HMG20A: variants seen among roughly 807,000 people sequenced by gnomAD.
HMG20A encodes high mobility group 20A.
HMG20A carries 17 observed loss-of-function variants against 43.9 expected under a neutral mutation model. That is an observed-to-expected ratio of 0.39 (90% CI 0.27 to 0.58). The LOEUF is 0.58. HMG20A is among the 20% of genes least tolerant of loss of function. The probability of loss-of-function intolerance (pLI) is 0.59; values close to 1 mark genes in which losing one functional copy is unlikely to be tolerated. For synonymous variants in HMG20A, 132 were observed against 147.5 expected, an observed-to-expected ratio of 0.89 and a Z score of 0.76; for missense variants, 341 against 438.2, an observed-to-expected ratio of 0.78 and a Z score of 1.98.
At chr15:77,422,425 G>A (rs2073375322) in intron 1 of HMG20A, among the ~76,000 whole-genome samples, 1 of 152,166 alleles carries the variant, frequency 6.6e-6, no homozygotes, top group Non-Finnish European at 1.5e-5. Context: ...AGACCAGCCT[G>A]GCCAGCATGG....
rs772286344 is a variant in HMG20A at position 77,484,849 on chromosome 15, C to T, written c.*1886C>T. ...CTATGGCAGAAGGACATCCAGAGCC[C>T]ATTCTGGAGTTTTGTTTTTTCCTTC... On this transcript the variant is annotated 3_prime_UTR_variant, in exon 10 of 10. Transcript: ENST00000336216. 5 of 152,212 alleles carry T rather than the reference C, an allele frequency of 3.3e-5. No individual in the cohort carries two copies. The highest frequency in any genetic ancestry group is 4.8e-5 in the African/African-American group (2 of 41,444). The allele number at this position is 152,212 out of a possible 1,614,324, so 9.4% of individuals were successfully genotyped here.
chr15:77,440,015 T>TA (rs2073594279), intron 1 of HMG20A, among the ~76,000 whole-genome samples: 3 of 152,078 alleles, frequency 2.0e-5, no homozygotes, highest in South Asian at 4.1e-4. Flanking sequence ...CCCCCTTTTT[T>TA]AAAAAAATGG....
At chr15:77,459,594 G>A (rs2072687148) in intron 2 of HMG20A, among the ~76,000 whole-genome samples, 1 of 152,182 alleles carries the variant, frequency 6.6e-6, no homozygotes, top group Admixed American at 6.5e-5. Flanking sequence ...AGACCTGAAG[G>A]AAATAAGGCA....
At chr15:77,478,129 G>A (rs2072872898) in intron 7 of HMG20A, 166 bp from the exon 8 acceptor site, 4 of 632,062 alleles carry the variant, frequency 6.3e-6, no homozygotes, top group East Asian at 5.5e-5. Context: ...GGAGTCAGGC[G>A]TTTCATTGCT....
In HMG20A at chr15:77,458,505, C is replaced by T. The variant is rs1486545094; in HGVS notation, c.89+9C>T. On this transcript the variant is annotated intron_variant, in intron 2 of 9. Coordinates refer to ENST00000336216, the MANE Select transcript of HMG20A (RefSeq NM_001304504.2). ...GATCTGGCTACCACTGGGTAAGCAG[C>T]TGCTTTAGGACACTGGACTTCTCCA... 6.3e-7 allele frequency: 1 copy of T among 1,593,092 alleles called. No individual in the cohort carries two copies. Among genetic ancestry groups the T allele is most frequent in the South Asian group, 1.1e-5 (1 of 90,562 alleles).
chr15:77,490,031 T>C (rs1435663088), downstream of HMG20A, among the ~76,000 whole-genome samples: 1 of 152,056 alleles, frequency 6.6e-6, no homozygotes, highest in Non-Finnish European at 1.5e-5. Flanking sequence ...ATCCCAGCAC[T>C]TTGAGAGGTG....
At position 77,477,515 on chromosome 15, in the gene HMG20A, T is replaced by C. The variant is rs780539558; in HGVS notation, c.616-40T>C. 5.8e-6 allele frequency: 8 copies of C among 1,390,044 alleles called. No individual in the cohort carries two copies. The East Asian group carries it at 1.6e-4, about 28-fold the overall frequency. 86.1% of individuals were successfully genotyped at this position (1,390,044 alleles called of 1,614,324 possible). On this transcript the variant is annotated intron_variant, in intron 6 of 9. Transcript: ENST00000336216. ...TCAGGCACTATTATTTAATTTATCT[T>C]CTATTAAGAATTAACTGTTTTGTTC...
intron 3 of HMG20A, chr15:77,464,665 C>T: frequency 3.4e-6 from 1 of 293,028 alleles, no homozygotes; most frequent in Non-Finnish European, 6.6e-6. Flanking sequence ...ATGATTTAAT[C>T]ATTAATAAGT....
intron 1 of HMG20A, among the ~76,000 whole-genome samples, chr15:77,446,262 C>T (rs1002818411): frequency 1.3e-5 from 2 of 151,908 alleles, no homozygotes; most frequent in African/African-American, 4.8e-5. Context: ...GAATAAATAC[C>T]GTTATACACA....
chr15:77,493,295 A>G, the HMG20A span, among the ~76,000 whole-genome samples: 2 of 152,184 alleles, frequency 1.3e-5, no homozygotes, highest in Non-Finnish European at 2.9e-5. Context: ...CAAGGAAGTG[A>G]CACTTAAAAT....
chr15:77,511,899 A>T, the HMG20A span, among the ~76,000 whole-genome samples: 1 of 152,232 alleles, frequency 6.6e-6, no homozygotes, highest in Non-Finnish European at 1.5e-5. Context: ...CAGCAAGTCC[A>T]CTTCTGGGTA....
the HMG20A span, among the ~76,000 whole-genome samples, chr15:77,509,555 CGTGTGTGTGTGTGTGT>C: frequency 0.05 from 5,760 of 115,458 alleles, 162 homozygotes; most frequent in South Asian, 0.094. Flanking sequence ...TGTGCCCAGC[CGTGTGTGTGTGTGTGT>C]GTGTGTGTGT....
chr15:77,492,394 A>G, the HMG20A span, among the ~76,000 whole-genome samples: 1 of 152,316 alleles, frequency 6.6e-6, no homozygotes, highest in African/African-American at 2.4e-5. Context: ...CAAATTTTCA[A>G]TTAGAGGTTT....
In HMG20A at chr15:77,463,264, C is replaced by G. The variant is rs371566114; in HGVS notation, c.90-976C>G. On this transcript the variant is annotated intron_variant, in intron 2 of 9. Coordinates refer to ENST00000336216, the MANE Select transcript of HMG20A (RefSeq NM_001304504.2). ...TCTTTTAGGACCTCCTCTATAAATT[C>G]TTTCTTAACATCCCTCCATACATAT... Among the ~76,000 whole-genome samples the G allele has an allele frequency of 7.2e-4, 109 of 152,242 alleles. 1 individual carries two copies. In the South Asian group the frequency reaches 0.019, roughly 26 times the overall value.
the HMG20A span, among the ~76,000 whole-genome samples, chr15:77,511,832 T>C: frequency 3.9e-5 from 6 of 152,228 alleles, no homozygotes; most frequent in Non-Finnish European, 5.9e-5. Context: ...GTGCAGTTGC[T>C]GTGGAAAACC....
At chr15:77,494,919 C>T in the HMG20A span, among the ~76,000 whole-genome samples, 25 of 152,188 alleles carry the variant, frequency 1.6e-4, no homozygotes, top group African/African-American at 5.5e-4. Flanking sequence ...TTCTAAAGAT[C>T]ATGCCTATTA....
chr15:77,514,766 C>T, the HMG20A span, among the ~76,000 whole-genome samples: 12 of 152,174 alleles, frequency 7.9e-5, no homozygotes, highest in Non-Finnish European at 2.9e-5. Context: ...TGTACAAAGG[C>T]CTCTCTGGCT....
chr15:77,460,079 G>A (rs940466274), intron 2 of HMG20A, among the ~76,000 whole-genome samples: 7 of 152,164 alleles, frequency 4.6e-5, no homozygotes, highest in Non-Finnish European at 8.8e-5. Context: ...AAGGGAGCAG[G>A]GGCTGGAACA....
intron 1 of HMG20A, among the ~76,000 whole-genome samples, chr15:77,456,625 C>T (rs965380794): frequency 8.8e-6 from 1 of 113,838 alleles, no homozygotes; most frequent in African/African-American, 3.4e-5. Flanking sequence ...GGCAACAGAG[C>T]GAGACTGTCA....
Sources: allele counts gnomAD v4.1 joint callset (sites outside exome capture counted in the v4.1 genomes callset), GRCh38; gene constraint gnomAD v4.1.1; transcripts MANE v1.5; gene names NCBI Gene and HGNC (gene_info 2026-07-23, HGNC 2026-07-21).